TCF4: variants seen among roughly 807,000 people sequenced by gnomAD.
The protein encoded by TCF4 is transcription factor 4.
Under a neutral mutation model 82.1 loss-of-function variants are expected in TCF4, and 3 were observed. That is an observed-to-expected ratio of 0.04 (90% confidence interval 0.02 to 0.09). TCF4 has a LOEUF of 0.09. Among genes scored for constraint, TCF4 ranks in the 10% least tolerant of loss-of-function variants. The pLI is 1.00. For synonymous variants in TCF4, 276 were observed against 309.6 expected, an observed-to-expected ratio of 0.89 and a Z score of 1.14; for missense variants, 518 against 852.7, an observed-to-expected ratio of 0.61 and a Z score of 4.89.
At chr18:55,322,619 A>T (rs961831446) in intron 8 of TCF4, among the ~76,000 whole-genome samples, 1 of 152,144 alleles carries the variant, frequency 6.6e-6, no homozygotes, top group East Asian at 1.9e-4. Flanking sequence ...GCGGCCGCCC[A>T]TGAACTTCAC....
intron 3 of TCF4, among the ~76,000 whole-genome samples, chr18:55,505,169 G>GTACT (rs1399046659): frequency 1.3e-5 from 2 of 152,110 alleles, no homozygotes; most frequent in African/African-American, 4.8e-5. Context: ...AGTACCAAGA[G>GTACT]TACTTAGTCA....
intron 5 of TCF4, among the ~76,000 whole-genome samples, chr18:55,425,908 G>A (rs2094959321): frequency 6.6e-6 from 1 of 152,070 alleles, no homozygotes; most frequent in Non-Finnish European, 1.5e-5. Flanking sequence ...CAGTGCCCCT[G>A]CTGTTTAAAC....
intron 8 of TCF4, among the ~76,000 whole-genome samples, chr18:55,338,094 C>A (rs902281701): frequency 1.3e-5 from 2 of 152,156 alleles, no homozygotes. Context: ...GACTTGCATT[C>A]ACAGTCTGAC....
chr18:55,311,136 T>C (rs2072260245), intron 8 of TCF4, among the ~76,000 whole-genome samples: 1 of 151,250 alleles, frequency 6.6e-6, no homozygotes, highest in Admixed American at 6.6e-5. Flanking sequence ...AAAAACAATG[T>C]TTTGGAAACA....
chr18:55,367,616 A>T (rs1262464943), intron 6 of TCF4, among the ~76,000 whole-genome samples: 1 of 152,246 alleles, frequency 6.6e-6, no homozygotes, highest in Non-Finnish European at 1.5e-5. Flanking sequence ...CTAAGCACTG[A>T]AGATAACTGA....
At chr18:55,603,980 T>C (rs2097699865) in intron 2 of TCF4, among the ~76,000 whole-genome samples, 1 of 152,280 alleles carries the variant, frequency 6.6e-6, no homozygotes, top group African/African-American at 2.4e-5. Context: ...TGTCGTGTCT[T>C]TGGAGCTCCC....
chr18:55,235,658 C>T lies in TCF4; in HGVS notation c.1351-975G>A, dbSNP rs558264271. On this transcript the variant is annotated intron_variant, in intron 15 of 19. Transcript: ENST00000354452. ...CATGCCTTCAAGCGAAAACATGAAG[C>T]ATTTGTCAACTAAGAGGACAATCAG... Among the ~76,000 whole-genome samples the T allele has an allele frequency of 2.6e-5, 4 of 152,310 alleles. No homozygotes were observed. In the East Asian group the frequency reaches 7.7e-4, roughly 29 times the overall value.
chr18:55,338,094 C>G (rs902281701), intron 8 of TCF4, among the ~76,000 whole-genome samples: 10 of 152,156 alleles, frequency 6.6e-5, no homozygotes, highest in Non-Finnish European at 1.5e-4. Flanking sequence ...GACTTGCATT[C>G]ACAGTCTGAC....
intron 15 of TCF4, among the ~76,000 whole-genome samples, chr18:55,253,428 G>C (rs954264443): frequency 6.6e-6 from 1 of 152,144 alleles, no homozygotes; most frequent in African/African-American, 2.4e-5. Context: ...GAGCTTGTGA[G>C]GATCAGAACT....
At chr18:55,303,875 C>T (rs1055162881) in intron 8 of TCF4, among the ~76,000 whole-genome samples, 2 of 152,102 alleles carry the variant, frequency 1.3e-5, no homozygotes, top group Non-Finnish European at 2.9e-5. Flanking sequence ...AATAGCAAAG[C>T]AGGACAAAAT....
chr18:55,260,366 G>A (rs765803893), intron 12 of TCF4, among the ~76,000 whole-genome samples: 1 of 152,164 alleles, frequency 6.6e-6, no homozygotes, highest in African/African-American at 2.4e-5. Context: ...ATGAGAGGTT[G>A]AACAGGATCA....
At chr18:55,440,554 A>G (rs945194854) in intron 5 of TCF4, among the ~76,000 whole-genome samples, 1 of 152,148 alleles carries the variant, frequency 6.6e-6, no homozygotes, top group Non-Finnish European at 1.5e-5. Flanking sequence ...CCGTCAATAC[A>G]TTACCCTTTC....
At chr18:55,503,759 GCA>G (rs1185189471) in intron 3 of TCF4, among the ~76,000 whole-genome samples, 1 of 152,172 alleles carries the variant, frequency 6.6e-6, no homozygotes, top group Admixed American at 6.5e-5. Context: ...GCAGAGATTG[GCA>G]CAGTCAACTT....
intron 3 of TCF4, among the ~76,000 whole-genome samples, chr18:55,563,005 C>T (rs1056351373): frequency 6.6e-6 from 1 of 151,962 alleles, no homozygotes; most frequent in Non-Finnish European, 1.5e-5. Flanking sequence ...TTTGGGAGGC[C>T]GAGGCAGGCA....
In TCF4 at chr18:55,419,518, C is replaced by T. The variant is rs144684897; in HGVS notation, c.305-16000G>A. On this transcript the variant is annotated intron_variant, in intron 5 of 19. Coordinates refer to ENST00000354452, the MANE Select transcript of TCF4 (RefSeq NM_001083962.2). ...TTAATGTATGGATTCAGATCTTAAT[C>T]ATAAAGCAAAACCTTTATTATCTTA... 1.3e-3 allele frequency among the ~76,000 whole-genome samples: 198 copies of T among 152,206 alleles called. 1 individual carries two copies. Among genetic ancestry groups the T allele is most frequent in the African/African-American group, 4.4e-3 (181 of 41,538 alleles).
At chr18:55,300,785 G>A (rs2068003268) in intron 8 of TCF4, among the ~76,000 whole-genome samples, 1 of 152,046 alleles carries the variant, frequency 6.6e-6, no homozygotes, top group South Asian at 2.1e-4. Context: ...TGAAATTGCA[G>A]GTCTTGCCGG....
chr18:55,261,942 A>T (rs1181465775), intron 11 of TCF4, among the ~76,000 whole-genome samples: 1 of 152,238 alleles, frequency 6.6e-6, no homozygotes, highest in Non-Finnish European at 1.5e-5. Context: ...CTGTTTTCAA[A>T]TAAATAGAAA....
At chr18:55,614,614 A>T (rs945825830) in intron 2 of TCF4, among the ~76,000 whole-genome samples, 4 of 152,034 alleles carry the variant, frequency 2.6e-5, no homozygotes, top group African/African-American at 7.2e-5. Flanking sequence ...GGTTCTTAAA[A>T]TTTTTTTTGA....
At chr18:55,489,110 C>T (rs768577773) in intron 3 of TCF4, among the ~76,000 whole-genome samples, 1 of 152,192 alleles carries the variant, frequency 6.6e-6, no homozygotes, top group African/African-American at 2.4e-5. Context: ...CAAAACACAT[C>T]CAGCATATCA....
Sources: allele counts gnomAD v4.1 joint callset (sites outside exome capture counted in the v4.1 genomes callset), GRCh38; gene constraint gnomAD v4.1.1; transcripts MANE v1.5; gene names NCBI Gene and HGNC (gene_info 2026-07-23, HGNC 2026-07-21).